Variants in GRIA4 observed in about 807,000 individuals in gnomAD.
GRIA4 encodes the protein glutamate ionotropic receptor AMPA type subunit 4, also known as glutamate receptor 4.
GRIA4 carries 34 observed loss-of-function variants against 104.0 expected under a neutral mutation model. That is an observed-to-expected ratio of 0.33 (90% CI 0.25 to 0.44). The LOEUF is 0.44. Ranked by LOEUF, GRIA4 falls within the 20% of genes least tolerant of loss-of-function variation. The probability of loss-of-function intolerance (pLI) is 1.00; values close to 1 mark genes in which losing one functional copy is unlikely to be tolerated. For synonymous variants in GRIA4, 386 were observed against 381.9 expected, an observed-to-expected ratio of 1.01 and a Z score of -0.13; for missense variants, 750 against 1,096.5, an observed-to-expected ratio of 0.68 and a Z score of 4.46.
intron 4 of GRIA4, chr11:105,797,664 C>T (rs981377252): frequency 6.5e-6 from 2 of 308,306 alleles, no homozygotes; most frequent in South Asian, 2.6e-5. Context: ...TCAACTTAAT[C>T]GTGCTACCTT....
intron 14 of GRIA4, among the ~76,000 whole-genome samples, chr11:105,964,794 G>GTT (rs981361419): frequency 4.2e-5 from 6 of 141,850 alleles, no homozygotes; most frequent in East Asian, 2.1e-4. Context: ...GTTTTTTTTT[G>GTT]TTTTTTTTTT....
intron 4 of GRIA4, among the ~76,000 whole-genome samples, chr11:105,755,120 A>G (rs1940227223): frequency 1.3e-5 from 2 of 152,190 alleles, no homozygotes; most frequent in African/African-American, 4.8e-5. Context: ...CCAATGCAAG[A>G]GGTGATGAGG....
intron 4 of GRIA4, among the ~76,000 whole-genome samples, chr11:105,788,526 A>G (rs1181655636): frequency 1.3e-5 from 2 of 152,228 alleles, no homozygotes; most frequent in Non-Finnish European, 2.9e-5. Context: ...TTAAAAATAT[A>G]TATAGTACAT....
intron 6 of GRIA4, among the ~76,000 whole-genome samples, chr11:105,896,148 T>C (rs1237547473): frequency 6.6e-6 from 1 of 152,196 alleles, no homozygotes; most frequent in East Asian, 1.9e-4. Context: ...TGGCATCTCA[T>C]TGTGGTTTTC....
At chr11:105,764,066 A>G (rs1222542755) in intron 4 of GRIA4, among the ~76,000 whole-genome samples, 1 of 152,332 alleles carries the variant, frequency 6.6e-6, no homozygotes, top group South Asian at 2.1e-4. Flanking sequence ...TGAAAGTAAC[A>G]CTGAAATTTT....
intron 3 of GRIA4, among the ~76,000 whole-genome samples, chr11:105,631,074 C>G (rs1951024591): frequency 6.6e-6 from 1 of 152,174 alleles, no homozygotes; most frequent in Admixed American, 6.5e-5. Context: ...TCTAGACTTA[C>G]TAAAATCCTC....
At chr11:105,844,462 C>T (rs1013929338) in intron 4 of GRIA4, among the ~76,000 whole-genome samples, 1 of 152,152 alleles carries the variant, frequency 6.6e-6, no homozygotes, top group African/African-American at 2.4e-5. Context: ...ATATTCCAGA[C>T]CCTAAATGCC....
At chr11:105,766,430 T>C (rs1940945233) in intron 4 of GRIA4, among the ~76,000 whole-genome samples, 1 of 152,200 alleles carries the variant, frequency 6.6e-6, no homozygotes, top group Non-Finnish European at 1.5e-5. Context: ...CAAGTCATAA[T>C]TTTTGTTTTG....
chr11:105,787,426 T>C (rs1394943195), intron 4 of GRIA4, among the ~76,000 whole-genome samples: 1 of 147,002 alleles, frequency 6.8e-6, no homozygotes, highest in Non-Finnish European at 1.5e-5. Flanking sequence ...CATTTTGTAA[T>C]CAACACAAGA....
At chr11:105,825,621 T>A (rs1271274964) in intron 4 of GRIA4, among the ~76,000 whole-genome samples, 2 of 152,058 alleles carry the variant, frequency 1.3e-5, no homozygotes, top group Non-Finnish European at 2.9e-5. Flanking sequence ...ATGTACCTGG[T>A]ATCTGCATCT....
chr11:105,782,794 A>C (rs1029169885), intron 4 of GRIA4, among the ~76,000 whole-genome samples: 2 of 152,182 alleles, frequency 1.3e-5, no homozygotes, highest in Non-Finnish European at 2.9e-5. Flanking sequence ...ACAGAAGAGC[A>C]ATGCTAGTAT....
chr11:105,957,298 G>A (rs1417327723), intron 14 of GRIA4, among the ~76,000 whole-genome samples: 1 of 152,182 alleles, frequency 6.6e-6, no homozygotes, highest in Non-Finnish European at 1.5e-5. Context: ...TAAGGTGTAA[G>A]GAAGGGATCC....
intron 6 of GRIA4, among the ~76,000 whole-genome samples, chr11:105,893,132 AAAG>A (rs1946514218): frequency 6.6e-6 from 1 of 152,138 alleles, no homozygotes; most frequent in Non-Finnish European, 1.5e-5. Context: ...AAATTCAAGC[AAAG>A]TAGTGGCCCA....
chr11:105,860,974 A>AG (rs1172409120), intron 4 of GRIA4, among the ~76,000 whole-genome samples: 1 of 148,688 alleles, frequency 6.7e-6, no homozygotes, highest in African/African-American at 2.4e-5. Context: ...AAAAAAAAAA[A>AG]AAAGAGAGAT....
Position 105,914,934 on chromosome 11 carries a change from C to A in GRIA4, c.1270-3778C>A, listed in dbSNP as rs1040500955. ...TTGAAAAGATTTTGTATTTTCTTCC[C>A]CCATAGTAGCCCCCTACCTTTGTAT... On this transcript the variant is annotated intron_variant, in intron 10 of 16. Coordinates refer to ENST00000282499, the MANE Select transcript of GRIA4 (RefSeq NM_000829.4). Among the ~76,000 whole-genome samples, 4 of 151,910 alleles carry A rather than the reference C, an allele frequency of 2.6e-5. 1 individual carries two copies. In the South Asian group the frequency reaches 8.3e-4, roughly 32 times the overall value.
chr11:105,813,213 T>A (rs2135877547), intron 4 of GRIA4, among the ~76,000 whole-genome samples: 1 of 152,134 alleles, frequency 6.6e-6, no homozygotes. Flanking sequence ...TGCCATTTTT[T>A]ATAAGGGTAG....
intron 4 of GRIA4, among the ~76,000 whole-genome samples, chr11:105,780,308 G>A (rs995165210): frequency 1.3e-5 from 2 of 152,208 alleles, no homozygotes; most frequent in East Asian, 3.9e-4. Context: ...AATATGCCAA[G>A]GACCCTGAGT....
At chr11:105,661,754 G>A (rs1952017319) in intron 3 of GRIA4, among the ~76,000 whole-genome samples, 1 of 151,656 alleles carries the variant, frequency 6.6e-6, no homozygotes, top group East Asian at 1.9e-4. Flanking sequence ...TTTGGACGAT[G>A]GAATATGAGG....
At chr11:105,719,741 A>G (rs1382710837) in intron 3 of GRIA4, among the ~76,000 whole-genome samples, 2 of 151,912 alleles carry the variant, frequency 1.3e-5, no homozygotes, top group Non-Finnish European at 2.9e-5. Context: ...AGTGACTCAG[A>G]TGCGTTCAGG....
Sources: gnomAD v4.1 joint callset for allele counts (sites outside exome capture counted in the v4.1 genomes callset) on GRCh38, gnomAD v4.1.1 for gene constraint, MANE v1.5 for transcripts, NCBI Gene and HGNC (gene_info 2026-07-23, HGNC 2026-07-21) for gene names.